The following NRXN3 variants were observed in gnomAD, a reference collection of about 807,000 sequenced individuals.
NRXN3 encodes neurexin III.
A neutral mutation model predicts 137.6 loss-of-function variants in NRXN3; 32 were observed. The ratio of observed to expected loss-of-function variants is 0.23; its 90% confidence interval spans 0.18 to 0.31. NRXN3 has a LOEUF of 0.31. Among genes scored for constraint, NRXN3 ranks in the 10% least tolerant of loss-of-function variants. The probability of loss-of-function intolerance (pLI) is 1.00; values close to 1 mark genes in which losing one functional copy is unlikely to be tolerated. For synonymous variants in NRXN3, 798 were observed against 784.5 expected (o/e 1.02, Z -0.29); for missense variants, 1,574 against 2,062.5 (o/e 0.76, Z 4.59).
At chr14:79,338,290 T>C (rs1360937636) in intron 15 of NRXN3, among the ~76,000 whole-genome samples, 1 of 151,518 alleles carries the variant, frequency 6.6e-6, no homozygotes, top group Non-Finnish European at 1.5e-5. Flanking sequence ...GCAGCCATCA[T>C]GGGAAAGGGA....
chr14:79,003,968 G>C (rs549872442), intron 15 of NRXN3, among the ~76,000 whole-genome samples: 12 of 152,132 alleles, frequency 7.9e-5, no homozygotes, highest in Admixed American at 5.2e-4. Context: ...TGCCAGAAGG[G>C]GGTTGGTGGA....
At chr14:79,663,080 A>C (rs2098541937) in intron 16 of NRXN3, among the ~76,000 whole-genome samples, 1 of 152,190 alleles carries the variant, frequency 6.6e-6, no homozygotes, top group Non-Finnish European at 1.5e-5. Context: ...CTGGTCTTGA[A>C]TATATCTCTC....
intron 1 of NRXN3, among the ~76,000 whole-genome samples, chr14:78,207,565 A>G (rs562431960): frequency 6.6e-6 from 1 of 152,168 alleles, no homozygotes; most frequent in Non-Finnish European, 1.5e-5. Context: ...TTGAATCCAT[A>G]GTAAGTTGAG....
chr14:79,119,846 A>G (rs1355265160), intron 15 of NRXN3, among the ~76,000 whole-genome samples: 1 of 152,094 alleles, frequency 6.6e-6, no homozygotes, highest in Non-Finnish European at 1.5e-5. Flanking sequence ...CCTATACTTT[A>G]TTACTTTGTA....
At chr14:79,526,368 ATT>A (rs765170557) in intron 16 of NRXN3, among the ~76,000 whole-genome samples, 3 of 151,920 alleles carry the variant, frequency 2.0e-5, no homozygotes, top group African/African-American at 4.8e-5. Context: ...ATTTAAAAAA[ATT>A]TTTTTGCAGA....
chr14:78,972,773 G>A (rs2099447684), intron 14 of NRXN3: 1 of 152,390 alleles, frequency 6.6e-6, no homozygotes, highest in African/African-American at 2.4e-5. Context: ...CTGTCTGAGT[G>A]ATGGTTATGC....
In NRXN3 at chr14:78,300,887, G is replaced by A. The variant is rs146777481; in HGVS notation, c.757+3027G>A. On this transcript the variant is annotated intron_variant, in intron 4 of 20. Coordinates refer to ENST00000335750, the MANE Select transcript of NRXN3 (RefSeq NM_001330195.2). Reference sequence around the variant, plus strand: ...AGTGCATTTCATGTTCAGTGTTTGGGGATGATTCTGTGTTGGCCTGCCTCC... The same window carrying A: ...AGTGCATTTCATGTTCAGTGTTTGGAGATGATTCTGTGTTGGCCTGCCTCC... 2.3e-4 allele frequency among the ~76,000 whole-genome samples: 35 copies of A among 152,276 alleles called. 1 individual carries two copies. Among genetic ancestry groups the A allele is most frequent in the Middle Eastern group, 6.8e-3 (2 of 294 alleles).
At chr14:79,552,026 C>A (rs2097377771) in intron 16 of NRXN3, among the ~76,000 whole-genome samples, 1 of 152,144 alleles carries the variant, frequency 6.6e-6, no homozygotes, top group African/African-American at 2.4e-5. Context: ...TGGAGTCTTC[C>A]TTCCCGTGGT....
chr14:79,863,087 A>G lies in NRXN3; in HGVS notation c.*1123A>G, dbSNP rs2099415822. The G allele has an allele frequency of 6.6e-6, 1 of 152,626 alleles. No individual in the cohort carries two copies. Among genetic ancestry groups the G allele is most frequent in the Non-Finnish European group, 1.5e-5 (1 of 68,036 alleles). The allele number at this position is 152,626 out of a possible 1,614,324, so 9.5% of individuals were successfully genotyped here. ...GAGTTCAACTCGTGATGGAACCACAAAAGGTCACACAAGCCAACCATGTCA... is the reference window on the plus strand; with the variant it reads ...GAGTTCAACTCGTGATGGAACCACAGAAGGTCACACAAGCCAACCATGTCA... On this transcript the variant is annotated 3_prime_UTR_variant, in exon 21 of 21. Transcript: ENST00000335750.
At chr14:79,506,635 A>G (rs966945639) in intron 16 of NRXN3, among the ~76,000 whole-genome samples, 5 of 151,996 alleles carry the variant, frequency 3.3e-5, no homozygotes, top group African/African-American at 1.2e-4. Context: ...TTCCTCTACT[A>G]TTCTATCTAA....
At chr14:79,478,416 T>C (rs2096578913) in intron 16 of NRXN3, among the ~76,000 whole-genome samples, 1 of 151,956 alleles carries the variant, frequency 6.6e-6, no homozygotes, top group African/African-American at 2.4e-5. Flanking sequence ...TACAGAGATG[T>C]CTTCTTCATC....
chr14:79,805,455 C>T (rs984085470), intron 20 of NRXN3, among the ~76,000 whole-genome samples: 1 of 151,976 alleles, frequency 6.6e-6, no homozygotes, highest in African/African-American at 2.4e-5. Context: ...TATGACTTAA[C>T]ATTGGGCAAG....
In NRXN3 at chr14:78,243,625, G is replaced by A; in HGVS notation, c.532G>A (p.Asp178Asn). ...AMPGFKGLIL[D>N]LKYGNSEPRL... The stretch of plus-strand genomic sequence containing the variant: ...GCCCGGCTTCAAGGGGTTAATTCTG[G>A]ATCTCAAGTATGGAAACTCGGAGCC... The change falls in exon 2 of 21, where the codon GAT (aspartate) becomes AAT (asparagine). Residue 178 changes from aspartate to asparagine, a missense_variant. By Grantham distance (23) the Asp-to-Asn change is conservative. Around this residue, in one of 5 missense-constraint regions of NRXN3, gnomAD observed 400 missense variants for 527.3 expected, o/e 0.76. Coordinates refer to ENST00000335750, the MANE Select transcript of NRXN3 (RefSeq NM_001330195.2). The surrounding 1 kb of genome is among the most constrained non-coding windows in gnomAD (Gnocchi z 4.2). The A allele has an allele frequency of 6.3e-7, 1 of 1,598,438 alleles. No individual in the cohort carries two copies. The highest frequency in any genetic ancestry group is 1.1e-5 in the South Asian group (1 of 91,080).
rs1212843626 is a variant in NRXN3, at chr14:79,111,735, C to CAA, written c.3262+123609_3262+123610dup. ...CCTGGGTGATAGAGAGACTCCATCT[C>CAA]AAAAAAAAAAAAAAAAGTTTATTAG... On this transcript the variant is annotated intron_variant, in intron 15 of 20. Coordinates refer to ENST00000335750, the MANE Select transcript of NRXN3 (RefSeq NM_001330195.2). Among the ~76,000 whole-genome samples, 132 of 87,498 alleles carry CAA rather than the reference C, an allele frequency of 1.5e-3. 2 individuals are homozygous for CAA. The highest frequency in any genetic ancestry group is 4.1e-3 in the African/African-American group (122 of 29,798). The allele number at this position is 87,498 out of a possible 152,430, so 57.4% of individuals were successfully genotyped here.
intron 4 of NRXN3, among the ~76,000 whole-genome samples, chr14:78,529,791 G>A (rs1360492875): frequency 1.3e-5 from 2 of 152,090 alleles, no homozygotes; most frequent in Non-Finnish European, 2.9e-5. Context: ...CCCATGCTGG[G>A]CCATCTCATC....
chr14:78,409,207 A>G (rs2092682412), intron 4 of NRXN3, among the ~76,000 whole-genome samples: 1 of 152,210 alleles, frequency 6.6e-6, no homozygotes, highest in African/African-American at 2.4e-5. Context: ...ACTAACAAGA[A>G]CAGGTACTAG....
At chr14:79,098,089 A>T (rs1181063753) in intron 15 of NRXN3, among the ~76,000 whole-genome samples, 1 of 152,168 alleles carries the variant, frequency 6.6e-6, no homozygotes, top group East Asian at 1.9e-4. Context: ...AAGCCCTTTG[A>T]AAAGTCACTT....
At chr14:79,188,359 T>G (rs2153165247) in intron 15 of NRXN3, among the ~76,000 whole-genome samples, 1 of 150,158 alleles carries the variant, frequency 6.7e-6, no homozygotes, top group South Asian at 2.2e-4. Context: ...TCAAGAAAAT[T>G]TGTGTTGCTG....
At chr14:78,618,430 T>C (rs1298036921) in intron 4 of NRXN3, among the ~76,000 whole-genome samples, 3 of 152,150 alleles carry the variant, frequency 2.0e-5, no homozygotes, top group Non-Finnish European at 4.4e-5. Flanking sequence ...ACACTGGCAA[T>C]GCTAAGGCAG....
Sources: gnomAD v4.1 joint callset for allele counts (sites outside exome capture counted in the v4.1 genomes callset) on GRCh38, gnomAD v4.1.1 for gene constraint, gnomAD v4.1.1 regional missense constraint, Gnocchi (gnomAD v3.1) non-coding constraint, MANE v1.5 for transcripts, NCBI Gene and HGNC (gene_info 2026-07-23, HGNC 2026-07-21) for gene names.